Variants in OSBPL10 observed in about 807,000 individuals in gnomAD.
The protein encoded by OSBPL10 is oxysterol-binding protein-related protein 10.
A neutral mutation model predicts 81.7 loss-of-function variants in OSBPL10; 49 were observed. The observed-to-expected ratio is 0.60, with a 90% CI of 0.48 to 0.76. The LOEUF (loss-of-function observed/expected upper bound fraction) is 0.76, where lower values mean the gene tolerates loss of function less well. Ranked by LOEUF, OSBPL10 falls within the 30% of genes least tolerant of loss-of-function variation. The probability of loss-of-function intolerance (pLI) is 0.00; values close to 1 mark genes in which losing one functional copy is unlikely to be tolerated. For missense variants in OSBPL10, 923 were observed against 987.8 expected (o/e 0.93, Z 0.88); for synonymous variants, 419 against 383.6 (o/e 1.09, Z -1.08).
intron 4 of OSBPL10, among the ~76,000 whole-genome samples, chr3:31,772,698 T>G (rs1045784311): frequency 1.3e-5 from 2 of 152,210 alleles, no homozygotes; most frequent in East Asian, 3.8e-4. Context: ...TTGCCCTCTC[T>G]GGGAACATGT....
chr3:31,683,878 G>A lies in OSBPL10; in HGVS notation c.1482C>T (p.Pro494=). ...GETFHCSWEV[P]KDRVKPKRTA... ...TCCTCTTAGGCTTGACCCTGTCCTTGGGAACTTCCCAGGAGCAGTGAAATG... is the reference window on the plus strand; with the variant it reads ...TCCTCTTAGGCTTGACCCTGTCCTTAGGAACTTCCCAGGAGCAGTGAAATG... The change falls in exon 8 of 12, where the codon CCC becomes CCT. Residue 494 remains proline (P), a synonymous_variant. Transcript: ENST00000396556. 1.2e-6 allele frequency: 2 copies of A among 1,614,210 alleles called. No individual in the cohort carries two copies. Among genetic ancestry groups the A allele is most frequent in the Non-Finnish European group, 8.5e-7 (1 of 1,180,042 alleles).
intron 1 of OSBPL10, among the ~76,000 whole-genome samples, chr3:31,885,451 C>T (rs986519958): frequency 1.3e-5 from 2 of 152,194 alleles, no homozygotes; most frequent in Non-Finnish European, 1.5e-5. Context: ...CCACACACTG[C>T]ACTGCCCTTA....
At chr3:32,074,162 C>G (rs1448479286) in intron 1 of OSBPL10, among the ~76,000 whole-genome samples, 4 of 152,110 alleles carry the variant, frequency 2.6e-5, no homozygotes, top group Admixed American at 6.5e-5. Flanking sequence ...CTTTAATAGC[C>G]CTCACTTTAC....
chr3:31,687,468 TA>T (rs553961705), intron 7 of OSBPL10, among the ~76,000 whole-genome samples: 15,064 of 148,314 alleles, frequency 0.1, 2,315 homozygotes, highest in African/African-American at 0.33. Context: ...CTGAAGGATT[TA>T]AAAAAAAAAA....
intron 1 of OSBPL10, among the ~76,000 whole-genome samples, chr3:31,963,617 G>T (rs1698231497): frequency 6.6e-6 from 1 of 152,030 alleles, no homozygotes; most frequent in South Asian, 2.1e-4. Context: ...GCTATCCATA[G>T]GACATTTCGT....
At chr3:31,800,336 C>T (rs1699348160) in intron 4 of OSBPL10, among the ~76,000 whole-genome samples, 1 of 152,208 alleles carries the variant, frequency 6.6e-6, no homozygotes, top group South Asian at 2.1e-4. Context: ...TCTGTGATCA[C>T]ACCCAAACAG....
intron 3 of OSBPL10, among the ~76,000 whole-genome samples, chr3:31,838,858 C>T (rs1700427570): frequency 6.6e-6 from 1 of 152,174 alleles, no homozygotes; most frequent in Admixed American, 6.6e-5. Flanking sequence ...ATTAACTATT[C>T]CTAATAACAG....
At chr3:32,032,631 TA>T (rs1462170648) in intron 2 of OSBPL10, among the ~76,000 whole-genome samples, 6 of 152,306 alleles carry the variant, frequency 3.9e-5, no homozygotes, top group African/African-American at 7.2e-5. Context: ...GGACACTGGA[TA>T]TTTTTTTGTG....
intron 1 of OSBPL10, among the ~76,000 whole-genome samples, chr3:31,952,929 C>CTTTTT (rs57873437): frequency 8.6e-6 from 1 of 116,572 alleles, no homozygotes. Context: ...AATCTTCCTA[C>CTTTTT]TTTTTTTTTT....
intron 1 of OSBPL10, among the ~76,000 whole-genome samples, chr3:31,941,597 C>T (rs1411478947): frequency 1.3e-5 from 2 of 152,168 alleles, no homozygotes; most frequent in Non-Finnish European, 2.9e-5. Flanking sequence ...CTGCCAAGAT[C>T]CCTGCTGACC....
intron 5 of OSBPL10, among the ~76,000 whole-genome samples, chr3:31,747,228 G>C (rs929344521): frequency 1.3e-5 from 2 of 151,828 alleles, no homozygotes; most frequent in Non-Finnish European, 2.9e-5. Context: ...TGAGGCGGGA[G>C]AATCTCTTGA....
intron 2 of OSBPL10, among the ~76,000 whole-genome samples, chr3:31,997,675 A>G (rs1699103671): frequency 3.9e-5 from 6 of 151,978 alleles, no homozygotes; most frequent in Admixed American, 2.6e-4. Context: ...GCTTACCACA[A>G]ATTTCATCAA....
chr3:31,747,895 C>A lies in OSBPL10; in HGVS notation c.940+15G>T, dbSNP rs1372792452. The A allele has an allele frequency of 6.2e-7, 1 of 1,612,200 alleles. No individual in the cohort carries two copies. Among genetic ancestry groups the A allele is most frequent in the Non-Finnish European group, 8.5e-7 (1 of 1,179,722 alleles). ...GTACTCATCCCAAACATGGACAAGC[C>A]CCCGGGGGTCTTACCCGAGGCTCCT... is the stretch of plus-strand genomic sequence containing the variant. On this transcript the variant is annotated intron_variant, in intron 5 of 11. Transcript: ENST00000396556.
At chr3:32,034,642 G>A (rs1274869638) in intron 2 of OSBPL10, among the ~76,000 whole-genome samples, 1 of 152,060 alleles carries the variant, frequency 6.6e-6, no homozygotes, top group East Asian at 1.9e-4. Context: ...TAATTTTACT[G>A]CCCTGTACCT....
At position 31,965,440 on chromosome 3, in the gene OSBPL10, T is replaced by G. The variant is rs1334180521; in HGVS notation, c.281+15459A>C. 6.4e-5 allele frequency among the ~76,000 whole-genome samples: 5 copies of G among 77,914 alleles called. 1 individual carries two copies. In the South Asian group the frequency reaches 1.9e-3, roughly 29 times the overall value. The allele number at this position is 77,914 out of a possible 152,430, so 51.1% of individuals were successfully genotyped here. ...TATATATAATAGATAATATATAATA[T>G]ATATTATATAATATATAATTTATAT... is the stretch of plus-strand genomic sequence containing the variant. On this transcript the variant is annotated intron_variant, in intron 1 of 11. Transcript: ENST00000396556.
intron 1 of OSBPL10, among the ~76,000 whole-genome samples, chr3:31,885,018 T>G (rs1695694904): frequency 6.6e-6 from 1 of 152,160 alleles, no homozygotes; most frequent in Admixed American, 6.5e-5. Context: ...GCTAGCTTCT[T>G]GGTGAAACCC....
chr3:31,703,697 C>T (rs1695969646), intron 6 of OSBPL10: 1 of 152,148 alleles, frequency 6.6e-6, no homozygotes, highest in African/African-American at 2.4e-5. Flanking sequence ...ATTTTTAAAA[C>T]TTCAACGTAA....
intron 5 of OSBPL10, among the ~76,000 whole-genome samples, chr3:31,739,400 TAC>T (rs1374249393): frequency 6.6e-6 from 1 of 152,206 alleles, no homozygotes; most frequent in African/African-American, 2.4e-5. Context: ...TCCTCTCTGC[TAC>T]AGATTGAATG....
rs555126975 is a variant in OSBPL10 at position 31,676,825 on chromosome 3, G to A, written c.1727-5842C>T. On this transcript the variant is annotated intron_variant, in intron 8 of 11. Coordinates refer to ENST00000396556, the MANE Select transcript of OSBPL10 (RefSeq NM_017784.5). ...CAGCTCCACAGCGGTGCGAGGTTGG[G>A]AGGGGTGAGCAGCCCACACTTTCCC... Among the ~76,000 whole-genome samples the A allele has an allele frequency of 2.7e-3, 404 of 152,370 alleles. 1 individual carries two copies. The highest frequency in any genetic ancestry group is 9.2e-3 in the African/African-American group (384 of 41,592).
Sources: allele counts gnomAD v4.1 joint callset (sites outside exome capture counted in the v4.1 genomes callset), GRCh38; gene constraint gnomAD v4.1.1; transcripts MANE v1.5; gene names NCBI Gene and HGNC (gene_info 2026-07-23, HGNC 2026-07-21).